Variants in DCLK1 observed in about 807,000 individuals in gnomAD.
DCLK1 encodes the protein doublecortin like kinase 1.
In DCLK1, 16 loss-of-function variants were observed where a neutral mutation model predicts 86.2. The ratio of observed to expected loss-of-function variants is 0.19; its 90% confidence interval spans 0.13 to 0.28. The LOEUF (loss-of-function observed/expected upper bound fraction) is 0.28. Ranked by LOEUF, DCLK1 falls within the 10% of genes least tolerant of loss-of-function variation. The pLI is 1.00. For missense variants in DCLK1, 590 were observed against 940.2 expected, an observed-to-expected ratio of 0.63 and a Z score of 4.87; for synonymous variants, 369 against 370.5, an observed-to-expected ratio of 1.00 and a Z score of 0.05.
chr13:35,883,914 G>T (rs926843540), intron 4 of DCLK1, among the ~76,000 whole-genome samples: 4 of 152,202 alleles, frequency 2.6e-5, no homozygotes, highest in Non-Finnish European at 5.9e-5. Flanking sequence ...GTGCCAAAGT[G>T]CAGGAGAGAC....
chr13:35,856,240 A>G (rs1871046928), intron 5 of DCLK1, among the ~76,000 whole-genome samples: 1 of 152,220 alleles, frequency 6.6e-6, no homozygotes, highest in South Asian at 2.1e-4. Flanking sequence ...CTTGCATGCC[A>G]CCATCCTGTC....
At position 36,069,179 on chromosome 13, in the gene DCLK1, T is replaced by C. The variant is rs542944484; in HGVS notation, c.723+42690A>G. On this transcript the variant is annotated intron_variant, in intron 3 of 16. Coordinates refer to ENST00000360631, the MANE Select transcript of DCLK1 (RefSeq NM_001330071.2). The stretch of plus-strand genomic sequence containing the variant: ...GAAAGAAACTAGGCACAAAGCTTTG[T>C]TGGAAAAGTACAGTCCAGAAAATAA... 4.6e-5 allele frequency among the ~76,000 whole-genome samples: 7 copies of C among 152,318 alleles called. No individual in the cohort carries two copies. In the East Asian group the frequency reaches 1.2e-3, roughly 25 times the overall value.
intron 3 of DCLK1, among the ~76,000 whole-genome samples, chr13:36,101,898 C>T (rs776835787): frequency 6.6e-6 from 1 of 152,080 alleles, no homozygotes; most frequent in Non-Finnish European, 1.5e-5. Context: ...CACCCACCAC[C>T]ACACCTAGCT....
chr13:35,782,522 C>G (rs949183953), intron 16 of DCLK1, among the ~76,000 whole-genome samples: 27 of 152,112 alleles, frequency 1.8e-4, no homozygotes, highest in African/African-American at 6.5e-4. Flanking sequence ...TTTAACCTTG[C>G]CAAAAAGCTT....
chr13:36,033,844 G>C (rs1182340602), intron 3 of DCLK1, among the ~76,000 whole-genome samples: 1 of 152,222 alleles, frequency 6.6e-6, no homozygotes, highest in Non-Finnish European at 1.5e-5. Context: ...AGAATCACTT[G>C]AACCCGGGAG....
At chr13:35,858,573 C>T (rs1285391730) in intron 5 of DCLK1, among the ~76,000 whole-genome samples, 1 of 152,134 alleles carries the variant, frequency 6.6e-6, no homozygotes, top group Non-Finnish European at 1.5e-5. Flanking sequence ...CAGAACCCTC[C>T]TAGCATCTGC....
At chr13:35,842,362 C>T (rs1869871972) in intron 6 of DCLK1, among the ~76,000 whole-genome samples, 1 of 149,600 alleles carries the variant, frequency 6.7e-6, no homozygotes, top group South Asian at 2.2e-4. Flanking sequence ...ATCCACTTTT[C>T]ACATGACAGT....
intron 8 of DCLK1, among the ~76,000 whole-genome samples, chr13:35,828,795 T>C (rs1235679253): frequency 1.3e-5 from 2 of 152,178 alleles, no homozygotes; most frequent in African/African-American, 4.8e-5. Flanking sequence ...GTTTCCGCCC[T>C]TCCCCTTTCC....
At chr13:35,918,496 C>A (rs1170723751) in intron 4 of DCLK1, among the ~76,000 whole-genome samples, 1 of 152,106 alleles carries the variant, frequency 6.6e-6, no homozygotes, top group Non-Finnish European at 1.5e-5. Flanking sequence ...TAGTAGCTTC[C>A]ATGGACTGGA....
intron 3 of DCLK1, among the ~76,000 whole-genome samples, chr13:36,026,242 A>C (rs1882030303): frequency 6.6e-6 from 1 of 152,224 alleles, no homozygotes; most frequent in Admixed American, 6.5e-5. Context: ...GACACTTGTC[A>C]GCTTTTTTAA....
intron 4 of DCLK1, among the ~76,000 whole-genome samples, chr13:35,902,524 C>T (rs1266160800): frequency 6.6e-6 from 1 of 152,138 alleles, no homozygotes; most frequent in Admixed American, 6.6e-5. Flanking sequence ...CACTTGGCAG[C>T]TGTGGGCGTA....
chr13:35,890,353 T>C (rs186539683), intron 4 of DCLK1, among the ~76,000 whole-genome samples: 10 of 152,298 alleles, frequency 6.6e-5, no homozygotes, highest in Admixed American at 3.9e-4. Context: ...ATTGATAACT[T>C]TGATTTTATT....
chr13:35,812,837 G>C (rs2087176604), intron 11 of DCLK1, among the ~76,000 whole-genome samples: 1 of 152,196 alleles, frequency 6.6e-6, no homozygotes, highest in Non-Finnish European at 1.5e-5. Context: ...ACAGCCATAT[G>C]TCCCTCACAG....
rs560229832 is a variant in DCLK1 at position 36,002,841 on chromosome 13, G to A, written c.724-55384C>T. 1.1e-4 allele frequency among the ~76,000 whole-genome samples: 16 copies of A among 152,250 alleles called. No homozygotes were observed. The East Asian group carries it at 1.7e-3, about 17-fold the overall frequency. On this transcript the variant is annotated intron_variant, in intron 3 of 16. Coordinates refer to ENST00000360631, the MANE Select transcript of DCLK1 (RefSeq NM_001330071.2). ...ATTAACTTAATAAATTATAAATTCCGAAGGAGCGACAGTTCTTAGGAAATC... is the reference window on the plus strand; with the variant it reads ...ATTAACTTAATAAATTATAAATTCCAAAGGAGCGACAGTTCTTAGGAAATC...
At chr13:35,958,248 AC>A (rs1878223983) in intron 3 of DCLK1, among the ~76,000 whole-genome samples, 1 of 137,502 alleles carries the variant, frequency 7.3e-6, no homozygotes, top group African/African-American at 2.9e-5. Context: ...CATCACCACC[AC>A]CACTACCACT....
chr13:35,856,996 T>C (rs928483110), intron 5 of DCLK1, among the ~76,000 whole-genome samples: 3 of 152,174 alleles, frequency 2.0e-5, no homozygotes, highest in Non-Finnish European at 4.4e-5. Flanking sequence ...CTACCTTGCC[T>C]TACTGTGCCA....
intron 3 of DCLK1, among the ~76,000 whole-genome samples, chr13:36,003,770 G>A (rs1392650435): frequency 1.3e-5 from 2 of 152,138 alleles, no homozygotes; most frequent in Non-Finnish European, 2.9e-5. Flanking sequence ...TTTCCTAAGA[G>A]ATATACGGCC....
intron 2 of DCLK1, among the ~76,000 whole-genome samples, chr13:36,117,950 T>C (rs540425472): frequency 1.3e-5 from 2 of 152,204 alleles, no homozygotes; most frequent in African/African-American, 2.4e-5. Context: ...GAATTCACAC[T>C]GGCCTTGGAA....
chr13:35,889,178 G>A (rs1379757445), intron 4 of DCLK1, among the ~76,000 whole-genome samples: 1 of 152,142 alleles, frequency 6.6e-6, no homozygotes, highest in African/African-American at 2.4e-5. Context: ...TGGTCTCTTA[G>A]CAACAGCAGG....
Sources: gnomAD v4.1 joint callset for allele counts (sites outside exome capture counted in the v4.1 genomes callset) on GRCh38, gnomAD v4.1.1 for gene constraint, MANE v1.5 for transcripts, NCBI Gene and HGNC (gene_info 2026-07-23, HGNC 2026-07-21) for gene names.